The following NELL1 variants were observed in gnomAD, a reference collection of about 807,000 sequenced individuals.
NELL1 encodes neural EGFL like 1.
Under a neutral mutation model 107.4 loss-of-function variants are expected in NELL1, and 76 were observed. That is an observed-to-expected ratio of 0.71 (90% CI 0.59 to 0.86). The LOEUF is 0.86. Ranked by LOEUF, NELL1 falls within the 40% of genes least tolerant of loss-of-function variation. The probability of loss-of-function intolerance (pLI) is 0.00; values close to 1 mark genes in which losing one functional copy is unlikely to be tolerated. For missense variants in NELL1, 1,024 were observed against 1,005.5 expected (o/e 1.02, Z -0.25); for synonymous variants, 353 against 341.2 (o/e 1.03, Z -0.38).
chr11:21,525,422 C>T (rs1855826754), intron 15 of NELL1, among the ~76,000 whole-genome samples: 1 of 152,154 alleles, frequency 6.6e-6, no homozygotes, highest in African/African-American at 2.4e-5. Context: ...GTTTGTGAGG[C>T]AGACAAAATT....
chr11:21,007,363 G>A (rs955969060), intron 12 of NELL1, among the ~76,000 whole-genome samples: 12 of 150,396 alleles, frequency 8.0e-5, no homozygotes, highest in Non-Finnish European at 1.5e-4. Context: ...CACAACCAAT[G>A]TGTATGTGTA....
At chr11:21,086,163 C>T (rs1230877122) in intron 12 of NELL1, among the ~76,000 whole-genome samples, 1 of 152,118 alleles carries the variant, frequency 6.6e-6, no homozygotes, top group Non-Finnish European at 1.5e-5. Context: ...GTGTCATACC[C>T]TAACACCTGA....
intron 2 of NELL1, among the ~76,000 whole-genome samples, chr11:20,756,398 G>A (rs1197476222): frequency 6.6e-6 from 1 of 151,708 alleles, no homozygotes; most frequent in Non-Finnish European, 1.5e-5. Flanking sequence ...GAGTGCAGTG[G>A]TGCTATCTAG....
chr11:21,069,013 GA>G (rs1379587004), intron 12 of NELL1, among the ~76,000 whole-genome samples: 1 of 152,160 alleles, frequency 6.6e-6, no homozygotes, highest in African/African-American at 2.4e-5. Flanking sequence ...AAATCCTACA[GA>G]ATACAACCAG....
intron 14 of NELL1, among the ~76,000 whole-genome samples, chr11:21,294,630 T>C (rs140825894): frequency 6.6e-6 from 1 of 152,230 alleles, no homozygotes; most frequent in African/African-American, 2.4e-5. Context: ...ATGATTATTA[T>C]TGTAATCCTG....
chr11:20,797,470 G>T (rs563477667), intron 3 of NELL1, among the ~76,000 whole-genome samples: 80 of 149,054 alleles, frequency 5.4e-4, no homozygotes, highest in African/African-American at 1.9e-3. Context: ...GGAGGCTGAG[G>T]CAGGAGAATG....
chr11:20,843,935 A>G (rs1360311862), intron 3 of NELL1, among the ~76,000 whole-genome samples: 3 of 152,102 alleles, frequency 2.0e-5, no homozygotes, highest in African/African-American at 7.2e-5. Context: ...GGTAGGGTCT[A>G]CCTTGCACTT....
At chr11:21,325,732 T>C (rs1850117227) in intron 14 of NELL1, among the ~76,000 whole-genome samples, 1 of 152,080 alleles carries the variant, frequency 6.6e-6, no homozygotes, top group Non-Finnish European at 1.5e-5. Context: ...ACTATAAAGA[T>C]ATAAATTATT....
intron 13 of NELL1, among the ~76,000 whole-genome samples, chr11:21,151,877 A>G (rs1254050778): frequency 6.6e-6 from 1 of 152,216 alleles, no homozygotes; most frequent in Non-Finnish European, 1.5e-5. Flanking sequence ...ACAAAGTAAG[A>G]TATGTCTGGA....
At chr11:20,693,328 T>G (rs1247332865) in intron 2 of NELL1, among the ~76,000 whole-genome samples, 1 of 152,128 alleles carries the variant, frequency 6.6e-6, no homozygotes, top group Non-Finnish European at 1.5e-5. Flanking sequence ...ATCCTGTCAT[T>G]ATGATGTTAG....
At chr11:20,790,609 A>C (rs535039902) in intron 3 of NELL1, among the ~76,000 whole-genome samples, 4 of 151,916 alleles carry the variant, frequency 2.6e-5, no homozygotes, top group Non-Finnish European at 5.9e-5. Context: ...GTCTGCAGCC[A>C]CAGTTTGGGC....
chr11:20,973,943 G>A (rs1297958487), intron 12 of NELL1, among the ~76,000 whole-genome samples: 2 of 152,302 alleles, frequency 1.3e-5, no homozygotes, highest in East Asian at 3.9e-4. Flanking sequence ...TGGTTTGTCA[G>A]ATAGATTATA....
At chr11:21,481,005 C>G (rs1420236150) in intron 15 of NELL1, among the ~76,000 whole-genome samples, 1 of 152,106 alleles carries the variant, frequency 6.6e-6, no homozygotes, top group Middle Eastern at 3.2e-3. Flanking sequence ...AGTCACTTTA[C>G]CTCAGTTTAT....
chr11:21,017,521 G>A (rs1852596040), intron 12 of NELL1, among the ~76,000 whole-genome samples: 1 of 151,638 alleles, frequency 6.6e-6, no homozygotes, highest in Non-Finnish European at 1.5e-5. Flanking sequence ...TGTTTTTCTA[G>A]CCATACCCTG....
At chr11:21,149,903 G>A (rs546968497) in intron 13 of NELL1, among the ~76,000 whole-genome samples, 63 of 152,180 alleles carry the variant, frequency 4.1e-4, no homozygotes, top group African/African-American at 1.3e-3. Context: ...ACACTATGAC[G>A]GAAACAAAAC....
chr11:21,431,224 G>A (rs1044725859), intron 15 of NELL1, among the ~76,000 whole-genome samples: 12 of 152,036 alleles, frequency 7.9e-5, no homozygotes, highest in African/African-American at 2.7e-4. Flanking sequence ...GGTCTGCACT[G>A]ATGATATATT....
At chr11:21,111,073 T>C (rs1855095981) in intron 12 of NELL1, among the ~76,000 whole-genome samples, 1 of 152,148 alleles carries the variant, frequency 6.6e-6, no homozygotes, top group African/African-American at 2.4e-5. Context: ...GTTATTGCTC[T>C]TCCCTTGGCC....
At chr11:21,009,235 T>G (rs1852395743) in intron 12 of NELL1, among the ~76,000 whole-genome samples, 1 of 152,180 alleles carries the variant, frequency 6.6e-6, no homozygotes, top group Non-Finnish European at 1.5e-5. Context: ...GATCCATCCC[T>G]ATGTTGTTTC....
At chr11:20,956,465 T>C (rs1486062026) in intron 11 of NELL1, among the ~76,000 whole-genome samples, 2 of 151,798 alleles carry the variant, frequency 1.3e-5, no homozygotes, top group African/African-American at 4.8e-5. Flanking sequence ...GCTATCACGG[T>C]GAAACCCCGT....
Sources: allele counts gnomAD v4.1 joint callset (sites outside exome capture counted in the v4.1 genomes callset), GRCh38; gene constraint gnomAD v4.1.1; transcripts MANE v1.5; gene names NCBI Gene and HGNC (gene_info 2026-07-23, HGNC 2026-07-21).